The following STK38L variants were observed in gnomAD, a reference collection of about 807,000 sequenced individuals.
STK38L encodes the protein serine/threonine kinase 38 like.
In STK38L, 28 loss-of-function variants were observed where a neutral mutation model predicts 59.7. The observed-to-expected ratio is 0.47, with a 90% confidence interval of 0.35 to 0.64. The LOEUF (loss-of-function observed/expected upper bound fraction) is 0.64. STK38L is among the 30% of genes least tolerant of loss of function. The probability of loss-of-function intolerance (pLI) is 0.01; values close to 1 mark genes in which losing one functional copy is unlikely to be tolerated. For synonymous variants in STK38L, 162 were observed against 176.8 expected, an observed-to-expected ratio of 0.92 and a Z score of 0.66; for missense variants, 314 against 555.8, an observed-to-expected ratio of 0.56 and a Z score of 4.37.
At chr12:27,299,997 C>A (rs1215944325) in intron 2 of STK38L, among the ~76,000 whole-genome samples, 1 of 151,934 alleles carries the variant, frequency 6.6e-6, no homozygotes, top group Admixed American at 6.5e-5. Flanking sequence ...AGAAGAGAAC[C>A]AAGGAAGAAA....
Position 27,314,594 on chromosome 12 carries a change from C to G in STK38L, c.608C>G (p.Ala203Gly), listed in dbSNP as rs761591925. The G allele has an allele frequency of 3.7e-6, 6 of 1,609,052 alleles. No homozygotes were observed. The highest frequency in any genetic ancestry group is 5.1e-6 in the Non-Finnish European group (6 of 1,177,712). The change falls in exon 7 of 14, where the codon GCG (alanine) becomes GGG (glycine). Residue 203 changes from alanine (A) to glycine (G), a missense_variant. Physicochemically the swap from Ala to Gly is moderately conservative, Grantham distance 60. Transcript: ENST00000389032. ...TCAGAGACTGTTCTGGCAATAGATGCGATCCACCAGTTGGGTTTCATCCAT... is the reference window on the plus strand; with the variant it reads ...TCAGAGACTGTTCTGGCAATAGATGGGATCCACCAGTTGGGTTTCATCCAT... ...YISETVLAID[A>G]IHQLGFIHRD...
chr12:27,256,999 A>G (rs1232077763), intron 1 of STK38L, among the ~76,000 whole-genome samples: 2 of 152,240 alleles, frequency 1.3e-5, no homozygotes, highest in Admixed American at 6.5e-5. Flanking sequence ...TATTTAAGGT[A>G]TATACCTCAC....
In STK38L at chr12:27,281,067, G is replaced by GTT. The variant is rs1167645624; in HGVS notation, c.-11-16608_-11-16607dup. Reference sequence around the variant, plus strand: ...CAGATTTATTTTTGGCTTTAGCTTTGTTTTTTTTTTTTTTTTTTTTTTTTT... The same window carrying GTT: ...CAGATTTATTTTTGGCTTTAGCTTTGTTTTTTTTTTTTTTTTTTTTTTTTTTT... On this transcript the variant is annotated intron_variant, in intron 1 of 13. Transcript: ENST00000389032. Among the ~76,000 whole-genome samples the GTT allele has an allele frequency of 1.5e-3, 17 of 11,548 alleles. 5 individuals carry two copies. Among genetic ancestry groups the GTT allele is most frequent in the Admixed American group, 3.8e-3 (5 of 1,318 alleles). 7.6% of individuals were successfully genotyped at this position (11,548 alleles called of 152,430 possible). A position where few individuals can be genotyped will look rare whatever the true frequency, so the allele number is the denominator to read the frequency against.
intron 1 of STK38L, among the ~76,000 whole-genome samples, chr12:27,266,393 T>C (rs1279094560): frequency 6.6e-6 from 1 of 152,228 alleles, no homozygotes; most frequent in Non-Finnish European, 1.5e-5. Context: ...GCGATCCAAT[T>C]TGAAACATGA....
At chr12:27,304,255 T>C (rs1317208285) in intron 3 of STK38L, among the ~76,000 whole-genome samples, 1 of 113,334 alleles carries the variant, frequency 8.8e-6, no homozygotes, top group Non-Finnish European at 1.7e-5. Context: ...TGAGAGTCTG[T>C]CTCAAAAAAA....
intron 1 of STK38L, among the ~76,000 whole-genome samples, chr12:27,275,209 A>G (rs1943507618): frequency 6.6e-6 from 1 of 152,028 alleles, no homozygotes; most frequent in African/African-American, 2.4e-5. Context: ...TTCATACAAA[A>G]TTATTTACAA....
intron 5 of STK38L, among the ~76,000 whole-genome samples, chr12:27,309,623 T>A (rs892250787): frequency 6.6e-6 from 1 of 152,222 alleles, no homozygotes; most frequent in South Asian, 2.1e-4. Flanking sequence ...TCTCTTCTTA[T>A]AAGGACATTA....
At chr12:27,246,161 T>C (rs1225016645) in intron 1 of STK38L, among the ~76,000 whole-genome samples, 5 of 152,152 alleles carry the variant, frequency 3.3e-5, no homozygotes, top group African/African-American at 9.7e-5. Context: ...AAAGGAGAAA[T>C]TGGACTTCCT....
chr12:27,320,438 G>C (rs989717410), intron 12 of STK38L, among the ~76,000 whole-genome samples: 2 of 112,544 alleles, frequency 1.8e-5, no homozygotes, highest in Admixed American at 1.1e-4. Context: ...AGCTAATTTT[G>C]TTGATTTTTT....
chr12:27,301,917 A>T (rs12579907), intron 2 of STK38L, among the ~76,000 whole-genome samples: 5,981 of 152,274 alleles, frequency 0.039, 407 homozygotes, highest in East Asian at 0.33. Context: ...AGTAAGCCTT[A>T]GAAGTAAATT....
At chr12:27,284,131 A>G (rs1167477188) in intron 1 of STK38L, among the ~76,000 whole-genome samples, 1 of 152,204 alleles carries the variant, frequency 6.6e-6, no homozygotes, top group African/African-American at 2.4e-5. Flanking sequence ...ATAGGAAGCA[A>G]TGACTTAGTG....
chr12:27,283,163 A>C (rs917841626), intron 1 of STK38L, among the ~76,000 whole-genome samples: 1 of 152,236 alleles, frequency 6.6e-6, no homozygotes, highest in Non-Finnish European at 1.5e-5. Flanking sequence ...ACAAGATCGT[A>C]GACACCTTTC....
intron 7 of STK38L, 129 bp from the exon 8 acceptor site, chr12:27,314,886 T>G: frequency 1.1e-6 from 1 of 879,938 alleles, no homozygotes; most frequent in Non-Finnish European, 1.7e-6. Context: ...TACTTAAAAT[T>G]TTACATTTTA....
chr12:27,267,130 C>T (rs1943317097), intron 1 of STK38L, among the ~76,000 whole-genome samples: 1 of 151,986 alleles, frequency 6.6e-6, no homozygotes, highest in Admixed American at 6.6e-5. Flanking sequence ...TACATTGTTT[C>T]AGTAATGAAT....
intron 2 of STK38L, among the ~76,000 whole-genome samples, chr12:27,301,907 A>G (rs1344550710): frequency 2.0e-5 from 3 of 152,228 alleles, no homozygotes; most frequent in Non-Finnish European, 4.4e-5. Context: ...AGGAGCGTGA[A>G]GTAAGCCTTA....
rs556148030 is a variant in STK38L, at chr12:27,323,943, A to G, written c.*1488A>G. ...TTAATGGATGAAATTTTTTAAAGAT[A>G]CAACCATGATAACCATTATAAATGA... On this transcript the variant is annotated 3_prime_UTR_variant, in exon 14 of 14. Coordinates refer to ENST00000389032, the MANE Select transcript of STK38L (RefSeq NM_015000.4). The G allele has an allele frequency of 6.6e-6, 1 of 152,190 alleles. No homozygotes were observed. Among genetic ancestry groups the G allele is most frequent in the Non-Finnish European group, 1.5e-5 (1 of 67,984 alleles). The allele number at this position is 152,190 out of a possible 1,614,324, so 9.4% of individuals were successfully genotyped here. A position where few individuals can be genotyped will look rare whatever the true frequency, so the allele number is the denominator to read the frequency against.
At chr12:27,314,107 C>T (rs991438996) in intron 6 of STK38L, among the ~76,000 whole-genome samples, 1 of 151,908 alleles carries the variant, frequency 6.6e-6, no homozygotes, top group African/African-American at 2.4e-5. Flanking sequence ...AAAATGCAAA[C>T]TCAGGAAAGC....
rs191947895 is a variant in STK38L at position 27,272,774 on chromosome 12, G to A, written c.-11-24936G>A. ...TTCCCCCAACACACACAGTGCAGCAGAGAAAAGTTGCACCTGCCTGCTACT... is the reference window on the plus strand; with the variant it reads ...TTCCCCCAACACACACAGTGCAGCAAAGAAAAGTTGCACCTGCCTGCTACT... On this transcript the variant is annotated intron_variant, in intron 1 of 13. Transcript: ENST00000389032. 3.5e-4 allele frequency among the ~76,000 whole-genome samples: 54 copies of A among 152,176 alleles called. No homozygotes were observed. In the East Asian group the frequency reaches 9.9e-3, roughly 28 times the overall value.
chr12:27,318,788 A>G (rs9300172), intron 11 of STK38L, among the ~76,000 whole-genome samples: 49,058 of 151,978 alleles, frequency 0.32, 9,271 homozygotes, highest in African/African-American at 0.53. Context: ...TCAGGAAATC[A>G]AAACCATCCT....
Sources: gnomAD v4.1 joint callset for allele counts (sites outside exome capture counted in the v4.1 genomes callset) on GRCh38, gnomAD v4.1.1 for gene constraint, MANE v1.5 for transcripts, NCBI Gene and HGNC (gene_info 2026-07-23, HGNC 2026-07-21) for gene names.